PPP2R2C: variants seen among roughly 807,000 people sequenced by gnomAD.
The protein encoded by PPP2R2C is protein phosphatase 2, regulatory subunit B, gamma.
A neutral mutation model predicts 45.3 loss-of-function variants in PPP2R2C; 10 were observed. The observed-to-expected ratio is 0.22, with a 90% CI of 0.14 to 0.37. The LOEUF is 0.37. Among genes scored for constraint, PPP2R2C ranks in the 10% least tolerant of loss-of-function variants. The pLI, the probability that PPP2R2C is intolerant of heterozygous loss-of-function variation, is 1.00. For synonymous variants in PPP2R2C, 257 were observed against 245.4 expected (o/e 1.05, Z -0.44); for missense variants, 308 against 619.7 (o/e 0.50, Z 5.34).
intron 1 of PPP2R2C, among the ~76,000 whole-genome samples, chr4:6,392,140 C>T (rs932444877): frequency 7.9e-5 from 12 of 152,262 alleles, no homozygotes; most frequent in African/African-American, 2.6e-4. Context: ...GACAGGTGCA[C>T]AGCAACGTGA....
At chr4:6,344,862 T>C (rs371359957) in intron 6 of PPP2R2C, among the ~76,000 whole-genome samples, 1 of 152,264 alleles carries the variant, frequency 6.6e-6, no homozygotes, top group East Asian at 1.9e-4. Context: ...CCGAACAATA[T>C]TCTAGTACAT....
intron 5 of PPP2R2C, among the ~76,000 whole-genome samples, chr4:6,353,195 G>T (rs1248745804): frequency 6.6e-6 from 1 of 151,904 alleles, no homozygotes; most frequent in Admixed American, 6.6e-5. Flanking sequence ...ACCCACCCAA[G>T]GTGCTTCCTG....
At chr4:6,406,468 G>A (rs571740983) in intron 1 of PPP2R2C, among the ~76,000 whole-genome samples, 72 of 152,316 alleles carry the variant, frequency 4.7e-4, no homozygotes, top group African/African-American at 1.6e-3. Flanking sequence ...CAGGGCTCAC[G>A]CCTGTAATCC....
intron 1 of PPP2R2C, among the ~76,000 whole-genome samples, chr4:6,439,626 C>T (rs1402873406): frequency 6.6e-6 from 1 of 152,160 alleles, no homozygotes; most frequent in Admixed American, 6.5e-5. Context: ...TGCTCTTCTC[C>T]TCTGCTCTTC....
At chr4:6,383,970 C>G (rs570299952) in intron 1 of PPP2R2C, 3 of 986,086 alleles carry the variant, frequency 3.0e-6, no homozygotes, top group Admixed American at 1.2e-4. Flanking sequence ...AGTGGGATGA[C>G]GGGCTGGACG....
intron 2 of PPP2R2C, among the ~76,000 whole-genome samples, chr4:6,500,443 C>T (rs62286094): frequency 0.1 from 15,659 of 152,220 alleles, 1,081 homozygotes; most frequent in Middle Eastern, 0.16. Flanking sequence ...CCATTGCACC[C>T]GGCCAGCAGA....
At chr4:6,427,376 C>A (rs1174408177) in intron 1 of PPP2R2C, among the ~76,000 whole-genome samples, 1 of 152,226 alleles carries the variant, frequency 6.6e-6, no homozygotes, top group Non-Finnish European at 1.5e-5. Context: ...CTTGGTCCTG[C>A]CATTTGCAAC....
intron 1 of PPP2R2C, among the ~76,000 whole-genome samples, chr4:6,396,355 C>A (rs1312507314): frequency 2.0e-5 from 3 of 152,230 alleles, no homozygotes; most frequent in Admixed American, 6.5e-5. Flanking sequence ...GCCCACCACA[C>A]CCCTCTCAGC....
At chr4:6,340,602 C>T (rs1397186292) in intron 6 of PPP2R2C, among the ~76,000 whole-genome samples, 1 of 152,184 alleles carries the variant, frequency 6.6e-6, no homozygotes, top group African/African-American at 2.4e-5. Flanking sequence ...GGCCCACCAC[C>T]TTCCCCACCT....
At chr4:6,459,837 T>A (rs930595644) in intron 1 of PPP2R2C, among the ~76,000 whole-genome samples, 10 of 152,080 alleles carry the variant, frequency 6.6e-5, no homozygotes, top group African/African-American at 2.2e-4. Context: ...AAATATTAAA[T>A]ATGTTGGATC....
chr4:6,349,320 C>T (rs1472069101), intron 5 of PPP2R2C: 2 of 984,068 alleles, frequency 2.0e-6, no homozygotes, highest in Non-Finnish European at 2.4e-6. Flanking sequence ...GGCTGTGTGA[C>T]CCTGAGTGAG....
At position 6,345,300 on chromosome 4, in the gene PPP2R2C, G is replaced by A. The variant is rs6817302; in HGVS notation, c.790+2546C>T. Among the ~76,000 whole-genome samples the A allele has an allele frequency of 0.15, 23,573 of 152,160 alleles. 1,988 individuals are homozygous for A. Among genetic ancestry groups the A allele is most frequent in the Non-Finnish European group, 0.17 (11,866 of 67,990 alleles). On this transcript the variant is annotated intron_variant, in intron 6 of 8. Transcript: ENST00000382599. This position sits in a 1 kb window ranked among gnomAD's most constrained non-coding sequence, Gnocchi z 5.3. ...GCACATGTGGCCTGAGTGAATGGGC[G>A]GGAGGCGTAGGTGGGGGGGCAGTGT...
Position 6,514,736 on chromosome 4 carries a change from T to C in PPP2R2C, c.49+20535A>G, listed in dbSNP as rs114387629. Among the ~76,000 whole-genome samples, 304 of 152,324 alleles carry C rather than the reference T, an allele frequency of 2.0e-3. 1 individual carries two copies. Among genetic ancestry groups the C allele is most frequent in the African/African-American group, 6.9e-3 (287 of 41,568 alleles). On this transcript the variant is annotated intron_variant, in intron 2 of 9. Transcript: ENST00000506140. ...GGGCTGCCATGAAAACATCACAACC[T>C]GGGTGGCCCCAAACAACGGAATCAT...
intron 1 of PPP2R2C, among the ~76,000 whole-genome samples, chr4:6,441,281 C>G (rs1720138291): frequency 6.6e-6 from 1 of 152,178 alleles, no homozygotes; most frequent in Non-Finnish European, 1.5e-5. Flanking sequence ...AAACTCCTCC[C>G]TTCAAGCCCC....
At chr4:6,549,029 C>T (rs1725089614) in intron 1 of PPP2R2C, among the ~76,000 whole-genome samples, 1 of 152,208 alleles carries the variant, frequency 6.6e-6, no homozygotes, top group African/African-American at 2.4e-5. Context: ...CCCATTGGCT[C>T]AGTTCCTCCC....
chr4:6,487,089 T>C (rs923570867), intron 2 of PPP2R2C, among the ~76,000 whole-genome samples: 1 of 152,076 alleles, frequency 6.6e-6, no homozygotes, highest in Non-Finnish European at 1.5e-5. Context: ...TATTATAGCA[T>C]GTCAAATATA....
At chr4:6,323,741 G>T in intron 8 of PPP2R2C, 148 bp from the exon 9 acceptor site, 1 of 748,054 alleles carries the variant, frequency 1.3e-6, no homozygotes, top group Non-Finnish European at 2.0e-6. Flanking sequence ...TTCAAGACCA[G>T]CCTGGACAAC....
At chr4:6,361,660 G>T (rs1254943625) in intron 5 of PPP2R2C, among the ~76,000 whole-genome samples, 2 of 152,218 alleles carry the variant, frequency 1.3e-5, no homozygotes, top group Non-Finnish European at 2.9e-5. Context: ...GATGCAAAAG[G>T]TACAGTGCTT....
rs545396884 is a variant in PPP2R2C at position 6,331,741 on chromosome 4, G to A, written c.960+1821C>T. ...GTGGAAAACCAACGCCCAAATGATGGTGGACTGGATCACAGAAGGAACCAC... is the reference window on the plus strand; with the variant it reads ...GTGGAAAACCAACGCCCAAATGATGATGGACTGGATCACAGAAGGAACCAC... On this transcript the variant is annotated intron_variant, in intron 7 of 8. Coordinates refer to ENST00000382599, the MANE Select transcript of PPP2R2C (RefSeq NM_020416.4). This position sits in a 1 kb window ranked among gnomAD's most constrained non-coding sequence, Gnocchi z 5.9. 6.6e-6 allele frequency among the ~76,000 whole-genome samples: 1 copy of A among 152,160 alleles called. No individual in the cohort carries two copies. The highest frequency in any genetic ancestry group is 1.5e-5 in the Non-Finnish European group (1 of 68,028).
Sources: gnomAD v4.1 joint callset for allele counts (sites outside exome capture counted in the v4.1 genomes callset) on GRCh38, gnomAD v4.1.1 for gene constraint, Gnocchi (gnomAD v3.1) non-coding constraint, MANE v1.5 for transcripts, NCBI Gene and HGNC (gene_info 2026-07-23, HGNC 2026-07-21) for gene names.